NWD2: variants seen among roughly 807,000 people sequenced by gnomAD.
The protein encoded by NWD2 is NACHT and WD repeat domain containing 2, also known as NACHT and WD repeat domain-containing protein 2.
A neutral mutation model predicts 132.7 loss-of-function variants in NWD2; 37 were observed. That is an observed-to-expected ratio of 0.28 (90% CI 0.21 to 0.37). The LOEUF (loss-of-function observed/expected upper bound fraction) is 0.37, where lower values mean the gene tolerates loss of function less well. Ranked by LOEUF, NWD2 falls within the 10% of genes least tolerant of loss-of-function variation. The pLI, the probability that NWD2 is intolerant of heterozygous loss-of-function variation, is 1.00. For synonymous variants in NWD2, 705 were observed against 803.0 expected (o/e 0.88, Z 2.06); for missense variants, 1,592 against 2,122.4 (o/e 0.75, Z 4.91).
At chr4:37,431,998 C>CCTTT (rs1391159794) in intron 4 of NWD2, among the ~76,000 whole-genome samples, 2 of 6,736 alleles carry the variant, frequency 3.0e-4, no homozygotes, top group Non-Finnish European at 2.3e-3. Flanking sequence ...AATGAAGCTC[C>CCTTT]CTTTGCTTCT....
intron 3 of NWD2, among the ~76,000 whole-genome samples, chr4:37,364,722 A>G (rs1420082745): frequency 1.5e-5 from 2 of 134,398 alleles, no homozygotes; most frequent in African/African-American, 5.2e-5. Flanking sequence ...ACACACACAC[A>G]CACTGCCATC....
At chr4:37,369,726 G>T (rs1169821665) in intron 3 of NWD2, among the ~76,000 whole-genome samples, 1 of 152,180 alleles carries the variant, frequency 6.6e-6, no homozygotes, top group Non-Finnish European at 1.5e-5. Context: ...GCAAAAGGTA[G>T]AGGGGGGGTC....
At chr4:37,441,400 C>T (rs1032031283) in intron 6 of NWD2, among the ~76,000 whole-genome samples, 11 of 152,324 alleles carry the variant, frequency 7.2e-5, no homozygotes, top group Middle Eastern at 3.4e-3. Flanking sequence ...ATTTTGTAAT[C>T]ACCCTAGGGC....
chr4:37,373,885 T>C (rs544650271), intron 3 of NWD2, among the ~76,000 whole-genome samples: 2 of 152,274 alleles, frequency 1.3e-5, no homozygotes, highest in African/African-American at 2.4e-5. Context: ...TATCTGAAAA[T>C]GGTTTGCCAT....
chr4:37,339,955 T>G (rs1026143182), intron 2 of NWD2, among the ~76,000 whole-genome samples: 2 of 127,864 alleles, frequency 1.6e-5, no homozygotes, highest in African/African-American at 6.3e-5. Context: ...TTTCTGGTTG[T>G]TTTTTTTTTT....
At chr4:37,268,787 G>A (rs1717810844) in intron 1 of NWD2, among the ~76,000 whole-genome samples, 1 of 151,372 alleles carries the variant, frequency 6.6e-6, no homozygotes, top group Non-Finnish European at 1.5e-5. Flanking sequence ...GAGTTGATAG[G>A]GTGGGACTGG....
intron 1 of NWD2, among the ~76,000 whole-genome samples, chr4:37,303,972 G>A (rs1718658170): frequency 6.6e-6 from 1 of 152,052 alleles, no homozygotes; most frequent in Non-Finnish European, 1.5e-5. Context: ...TTAGTTCTGT[G>A]CTGAATAAGA....
intron 1 of NWD2, among the ~76,000 whole-genome samples, chr4:37,308,621 G>A (rs1452970191): frequency 6.6e-6 from 1 of 152,178 alleles, no homozygotes; most frequent in Non-Finnish European, 1.5e-5. Context: ...TGCTGGCAGT[G>A]GCAGTCCCTG....
chr4:37,319,327 T>C (rs773778181), intron 1 of NWD2, among the ~76,000 whole-genome samples: 8 of 152,188 alleles, frequency 5.3e-5, no homozygotes, highest in Non-Finnish European at 1.0e-4. Flanking sequence ...GTTCATTTGG[T>C]TTTTGCTTGT....
chr4:37,337,191 G>C (rs1001741927), intron 2 of NWD2, among the ~76,000 whole-genome samples: 2 of 152,168 alleles, frequency 1.3e-5, no homozygotes, highest in African/African-American at 4.8e-5. Flanking sequence ...AACTTAATTT[G>C]AAATCAAGAG....
intron 1 of NWD2, among the ~76,000 whole-genome samples, chr4:37,320,806 T>C (rs1437331682): frequency 4.6e-5 from 7 of 152,166 alleles, no homozygotes; most frequent in Non-Finnish European, 1.5e-5. Flanking sequence ...AGGACAATTT[T>C]AGCAGAGGAT....
intron 1 of NWD2, among the ~76,000 whole-genome samples, chr4:37,261,742 G>A (rs1717640944): frequency 6.6e-6 from 1 of 152,214 alleles, no homozygotes; most frequent in South Asian, 2.1e-4. Flanking sequence ...TGTAAAGTTT[G>A]TGGAAGGTGG....
chr4:37,359,971 C>T (rs764012402), intron 3 of NWD2, among the ~76,000 whole-genome samples: 35 of 152,292 alleles, frequency 2.3e-4, no homozygotes, highest in Middle Eastern at 6.8e-3. Context: ...CATCATCTTA[C>T]TGAGAAGAAC....
At chr4:37,416,756 A>T (rs565622518) in intron 3 of NWD2, among the ~76,000 whole-genome samples, 12 of 152,354 alleles carry the variant, frequency 7.9e-5, no homozygotes, top group African/African-American at 2.6e-4. Flanking sequence ...ATATAATAGA[A>T]TACTACTCAG....
intron 1 of NWD2, among the ~76,000 whole-genome samples, chr4:37,270,554 CTTCAACTGAA>C (rs998157469): frequency 2.0e-5 from 3 of 151,664 alleles, no homozygotes; most frequent in African/African-American, 7.3e-5. Context: ...AATACAGCAC[CTTCAACTGAA>C]ACATCCAGAT....
chr4:37,432,695 T>G (rs1479241558), intron 4 of NWD2, among the ~76,000 whole-genome samples: 3 of 152,238 alleles, frequency 2.0e-5, no homozygotes, highest in African/African-American at 7.2e-5. Context: ...TAATATTTTT[T>G]CTTTAACATC....
intron 1 of NWD2, among the ~76,000 whole-genome samples, chr4:37,310,360 G>T (rs190621879): frequency 6.6e-6 from 1 of 152,136 alleles, no homozygotes; most frequent in African/African-American, 2.4e-5. Context: ...TATTTACCTT[G>T]GTAGTACCAG....
chr4:37,444,579 T>G lies in NWD2; in HGVS notation c.2591T>G (p.Met864Arg). The change falls in exon 7 of 7, where the codon ATG (methionine) becomes AGG (arginine). Residue 864 changes from methionine (M) to arginine (R), a missense_variant. Physicochemically the swap from Met to Arg is moderately conservative, Grantham distance 91 (BLOSUM62 -1). Transcript: ENST00000309447. The surrounding 1 kb of genome is among the most constrained non-coding windows in gnomAD (Gnocchi z 4.8). ...ATGAACTTCAGCTGGCTTTATACCA[T>G]GATCAAAATTGGCCAGTTTGACAAA... ...IIMNFSWLYT[M>R]IKIGQFDKVL... is the part of the protein sequence containing the mutation. 1 of 1,551,954 alleles carries G rather than the reference T, an allele frequency of 6.4e-7. No homozygotes were observed. Among genetic ancestry groups the G allele is most frequent in the African/African-American group, 1.4e-5 (1 of 73,160 alleles).
chr4:37,255,809 G>A (rs1300908523), intron 1 of NWD2, among the ~76,000 whole-genome samples: 2 of 152,076 alleles, frequency 1.3e-5, no homozygotes, highest in African/African-American at 4.8e-5. Context: ...AGAGGGTTGG[G>A]ACAGAAATAA....
Sources: gnomAD v4.1 joint callset for allele counts (sites outside exome capture counted in the v4.1 genomes callset) on GRCh38, gnomAD v4.1.1 for gene constraint, Gnocchi (gnomAD v3.1) non-coding constraint, MANE v1.5 for transcripts, NCBI Gene and HGNC (gene_info 2026-07-23, HGNC 2026-07-21) for gene names.